Variants in ADAMTSL1 observed in about 807,000 individuals in gnomAD.
The protein encoded by ADAMTSL1 is ADAMTS-like protein 1.
Under a neutral mutation model 201.8 loss-of-function variants are expected in ADAMTSL1, and 126 were observed. That is an observed-to-expected ratio of 0.62 (90% CI 0.54 to 0.72). The LOEUF (loss-of-function observed/expected upper bound fraction) is 0.72. ADAMTSL1 is among the 30% of genes least tolerant of loss of function. The pLI, the probability that ADAMTSL1 is intolerant of heterozygous loss-of-function variation, is 0.00. For synonymous variants in ADAMTSL1, 1,121 were observed against 903.4 expected (o/e 1.24, Z -4.32); for missense variants, 2,679 against 2,277.8 (o/e 1.18, Z -3.59).
chr9:18,688,118 G>GTATATATATATA (rs71333061), intron 13 of ADAMTSL1, among the ~76,000 whole-genome samples: 3 of 142,720 alleles, frequency 2.1e-5, no homozygotes, highest in Non-Finnish European at 4.6e-5. Context: ...ATGTATGTAT[G>GTATATATATATA]TATATATATA....
Position 18,688,118 on chromosome 9 carries a change from G to GTATATA in ADAMTSL1, c.1574+3335_1574+3340dup, listed in dbSNP as rs71333061. Among the ~76,000 whole-genome samples, 1,138 of 142,670 alleles carry GTATATA rather than the reference G, an allele frequency of 8.0e-3. 13 individuals are homozygous for GTATATA. The highest frequency in any genetic ancestry group is 0.022 in the African/African-American group (831 of 38,264). The allele number at this position is 142,670 out of a possible 152,430, so 93.6% of individuals were successfully genotyped here. ...GTGATGAATACATATATGTATGTAT[G>GTATATA]TATATATATATATATATATATAGAA... On this transcript the variant is annotated intron_variant, in intron 13 of 28. Transcript: ENST00000380548.
intron 1 of ADAMTSL1, among the ~76,000 whole-genome samples, chr9:18,098,919 C>T (rs1239879528): frequency 6.6e-6 from 1 of 152,154 alleles, no homozygotes; most frequent in South Asian, 2.1e-4. Flanking sequence ...AATTCTGGGG[C>T]TCACTTTGTG....
chr9:18,853,889 C>CG lies in ADAMTSL1; in HGVS notation c.4249+23912_4249+23913insG, dbSNP rs1826668408. 4.2e-5 allele frequency among the ~76,000 whole-genome samples: 5 copies of CG among 120,364 alleles called. No individual in the cohort carries two copies. The South Asian group carries it at 1.6e-3, about 38-fold the overall frequency. The allele number at this position is 120,364 out of a possible 152,430, so 79.0% of individuals were successfully genotyped here. A position where few individuals can be genotyped will look rare whatever the true frequency, so the allele number is the denominator to read the frequency against. On this transcript the variant is annotated intron_variant, in intron 23 of 28. Coordinates refer to ENST00000380548, the MANE Select transcript of ADAMTSL1 (RefSeq NM_001040272.6). ...TGTGGAGTCTACTTGTATTCACTCTCTGTGTGTGTGTGTGTGTGTGTGTGT... is the reference window on the plus strand; with the variant it reads ...TGTGGAGTCTACTTGTATTCACTCTCGTGTGTGTGTGTGTGTGTGTGTGTGT...
intron 4 of ADAMTSL1, among the ~76,000 whole-genome samples, chr9:18,597,031 C>A (rs1476996967): frequency 6.6e-6 from 1 of 152,120 alleles, no homozygotes; most frequent in African/African-American, 2.4e-5. Context: ...AGATTGAGAA[C>A]TTCTTACTAG....
At chr9:17,932,299 C>T (rs1464245617) in intron 1 of ADAMTSL1, among the ~76,000 whole-genome samples, 2 of 152,176 alleles carry the variant, frequency 1.3e-5, no homozygotes, top group African/African-American at 4.8e-5. Context: ...CGGTTGGCCA[C>T]CTTTCCATCA....
intron 4 of ADAMTSL1, among the ~76,000 whole-genome samples, chr9:18,585,839 A>G (rs1413945433): frequency 1.3e-5 from 2 of 152,258 alleles, no homozygotes; most frequent in East Asian, 3.9e-4. Flanking sequence ...CATAAATAGA[A>G]CTAAAGACAA....
At chr9:18,093,160 T>C (rs1824100966) in intron 1 of ADAMTSL1, among the ~76,000 whole-genome samples, 2 of 152,192 alleles carry the variant, frequency 1.3e-5, no homozygotes, top group South Asian at 4.1e-4. Flanking sequence ...TTTTTTATTT[T>C]TTTTGCAAAT....
intron 3 of ADAMTSL1, among the ~76,000 whole-genome samples, chr9:18,547,876 C>T (rs1820568643): frequency 6.6e-6 from 1 of 151,534 alleles, no homozygotes; most frequent in African/African-American, 2.4e-5. Context: ...TGGAGATAAT[C>T]ATAAAACCAT....
chr9:18,839,199 A>G (rs1264308695), intron 23 of ADAMTSL1, among the ~76,000 whole-genome samples: 1 of 95,314 alleles, frequency 1.0e-5, no homozygotes, highest in Non-Finnish European at 2.0e-5. Context: ...CCACCCCACA[A>G]CAGTCCCCAG....
chr9:18,345,765 G>T (rs1209442069), intron 2 of ADAMTSL1, among the ~76,000 whole-genome samples: 1 of 152,160 alleles, frequency 6.6e-6, no homozygotes, highest in East Asian at 1.9e-4. Context: ...AGCTGCTTCT[G>T]TAGCAGCCAC....
intron 1 of ADAMTSL1, among the ~76,000 whole-genome samples, chr9:18,491,888 T>C (rs965000662): frequency 2.0e-5 from 3 of 152,138 alleles, no homozygotes; most frequent in African/African-American, 7.2e-5. Flanking sequence ...TAAGGACAGG[T>C]TCTTTTAGAC....
At chr9:18,679,387 T>C (rs1438454969) in intron 10 of ADAMTSL1, among the ~76,000 whole-genome samples, 1 of 152,184 alleles carries the variant, frequency 6.6e-6, no homozygotes, top group Non-Finnish European at 1.5e-5. Context: ...TGTTTCTGTT[T>C]TTAGAAATTC....
intron 2 of ADAMTSL1, among the ~76,000 whole-genome samples, chr9:18,366,563 A>C (rs893642103): frequency 6.7e-6 from 1 of 149,536 alleles, no homozygotes; most frequent in East Asian, 2.0e-4. Flanking sequence ...GTGGTATGTT[A>C]ATATTATTTT....
chr9:18,541,616 G>A (rs1440522567), intron 3 of ADAMTSL1, among the ~76,000 whole-genome samples: 1 of 152,112 alleles, frequency 6.6e-6, no homozygotes, highest in African/African-American at 2.4e-5. Context: ...TTAAAGCAGT[G>A]TTATGTAGCA....
rs144057526 is a variant in ADAMTSL1 at position 18,002,172 on chromosome 9, C to G, written c.87+95250C>G. Among the ~76,000 whole-genome samples, 10 of 152,120 alleles carry G rather than the reference C, an allele frequency of 6.6e-5. 1 individual carries two copies. The East Asian group carries it at 1.8e-3, about 27-fold the overall frequency. On this transcript the variant is annotated intron_variant, in intron 1 of 29. Coordinates refer to the ADAMTSL1 transcript ENST00000680146. ...GTAAAAGATGACTTATTTTCTGATA[C>G]TAGAGATCAGAACATAAGAATAGGT... is the stretch of plus-strand genomic sequence containing the variant.
intron 7 of ADAMTSL1, among the ~76,000 whole-genome samples, chr9:18,654,051 A>T (rs1828465610): frequency 6.6e-6 from 1 of 152,260 alleles, no homozygotes; most frequent in South Asian, 2.1e-4. Context: ...AACATGGCAA[A>T]ACCTCGTCTC....
intron 2 of ADAMTSL1, among the ~76,000 whole-genome samples, chr9:18,200,838 C>T (rs547526587): frequency 6.6e-6 from 1 of 151,860 alleles, no homozygotes; most frequent in South Asian, 2.1e-4. Flanking sequence ...CAAGGATAAA[C>T]AAAATAGGAT....
chr9:18,676,470 T>G (rs545400496), intron 10 of ADAMTSL1, among the ~76,000 whole-genome samples: 1 of 152,254 alleles, frequency 6.6e-6, no homozygotes, highest in East Asian at 1.9e-4. Context: ...TTCAATGTGC[T>G]GCATTGCTTT....
rs199847490 is a variant in ADAMTSL1, at chr9:18,374,335, AT to A, written c.208-130484del. ...ATTTATATTTATTTAATTTTTTTTAATTTTTTTTTTATTTTTTGGGATGGGG... is the reference window on the plus strand; with the variant it reads ...ATTTATATTTATTTAATTTTTTTTAATTTTTTTTTATTTTTTGGGATGGGG... On this transcript the variant is annotated intron_variant, in intron 2 of 29. Coordinates refer to the ADAMTSL1 transcript ENST00000680146. Among the ~76,000 whole-genome samples, 821 of 149,158 alleles carry A rather than the reference AT, an allele frequency of 5.5e-3. 8 individuals carry two copies. The highest frequency in any genetic ancestry group is 0.019 in the African/African-American group (775 of 40,788).
Sources: gnomAD v4.1 joint callset for allele counts (sites outside exome capture counted in the v4.1 genomes callset) on GRCh38, gnomAD v4.1.1 for gene constraint, MANE v1.5 for transcripts, NCBI Gene and HGNC (gene_info 2026-07-23, HGNC 2026-07-21) for gene names.